The following COL5A2 variants were observed in gnomAD, a reference collection of about 807,000 sequenced individuals.
COL5A2 encodes the protein collagen alpha-2(V) chain.
Under a neutral mutation model 208.2 loss-of-function variants are expected in COL5A2, and 23 were observed. The ratio of observed to expected loss-of-function variants is 0.11; its 90% CI spans 0.08 to 0.16. COL5A2 has a LOEUF of 0.16. Ranked by LOEUF, COL5A2 falls within the 10% of genes least tolerant of loss-of-function variation. The pLI is 1.00. For synonymous variants in COL5A2, 625 were observed against 628.5 expected (o/e 0.99, Z 0.08); for missense variants, 1,590 against 1,956.4 (o/e 0.81, Z 3.53).
the COL5A2 span, among the ~76,000 whole-genome samples, chr2:189,241,774 T>C: frequency 1.1e-4 from 17 of 152,200 alleles, no homozygotes; most frequent in Admixed American, 9.2e-4. Context: ...AGAAATAAAG[T>C]AGTTGGGTCC....
chr2:189,210,416 T>C (rs1373455813), intron 1 of COL5A2, among the ~76,000 whole-genome samples: 2 of 142,882 alleles, frequency 1.4e-5, no homozygotes, highest in Admixed American at 1.5e-4. Flanking sequence ...TAAAATATTT[T>C]ACATTTGTTG....
intron 1 of COL5A2, among the ~76,000 whole-genome samples, chr2:189,167,664 AT>A (rs71020984): frequency 7.8e-4 from 109 of 140,116 alleles, no homozygotes; most frequent in African/African-American, 8.1e-4. Flanking sequence ...GAAAGAAGTG[AT>A]TTTTTTTTTT....
Position 189,077,308 on chromosome 2 carries a change from C to G in COL5A2, c.1059+1208G>C, listed in dbSNP as rs150551006. ...CAAAGCACCTATAAGACCTAAACAT[C>G]GGGTAGAGGCGGGATCTGAGAAAGA... On this transcript the variant is annotated intron_variant, in intron 16 of 53. Coordinates refer to ENST00000374866, the MANE Select transcript of COL5A2 (RefSeq NM_000393.5). 4.6e-5 allele frequency among the ~76,000 whole-genome samples: 7 copies of G among 152,166 alleles called. No individual in the cohort carries two copies. In the East Asian group the frequency reaches 1.4e-3, roughly 29 times the overall value.
the COL5A2 span, among the ~76,000 whole-genome samples, chr2:189,297,284 TATTAC>T: frequency 6.6e-6 from 1 of 152,224 alleles, no homozygotes; most frequent in African/African-American, 2.4e-5. Context: ...TTTCTAATTT[TATTAC>T]ATTATAGTCA....
chr2:189,039,327 C>T lies in COL5A2; in HGVS notation c.3870G>A (p.Lys1290=). Reference sequence around the variant, plus strand: ...GGTCATCACACGTGCGGGCTGGGTGCTTTTTCGAGCCATCGGGGCTGCGCA... The same window carrying T: ...GGTCATCACACGTGCGGGCTGGGTGTTTTTTCGAGCCATCGGGGCTGCGCA... ...ETMRSPDGSK[K]HPARTCDDLK... The change falls in exon 51 of 54, where the codon AAG becomes AAA. Residue 1290 remains lysine (K), a synonymous_variant. Transcript: ENST00000374866. The T allele has an allele frequency of 4.3e-6, 7 of 1,614,046 alleles. No homozygotes were observed. Among genetic ancestry groups the T allele is most frequent in the Non-Finnish European group, 5.9e-6 (7 of 1,180,010 alleles).
intron 53 of COL5A2, 37 bp downstream of exon 53, chr2:189,034,879 T>C: frequency 3.7e-6 from 6 of 1,613,250 alleles, no homozygotes; most frequent in Non-Finnish European, 5.1e-6. Context: ...TAATTTTTTT[T>C]CCTCAACCAG....
At chr2:189,170,344 A>G (rs990014787) in intron 1 of COL5A2, among the ~76,000 whole-genome samples, 11 of 152,232 alleles carry the variant, frequency 7.2e-5, no homozygotes, top group Admixed American at 3.3e-4. Context: ...GATCTAAAAT[A>G]TAAAATGACT....
At chr2:189,262,170 A>T in the COL5A2 span, among the ~76,000 whole-genome samples, 182 of 152,230 alleles carry the variant, frequency 1.2e-3, 3 homozygotes, top group South Asian at 0.036. Flanking sequence ...ATTTGAAATG[A>T]TTTCATTCCT....
chr2:189,085,500 TTAAATTTAAATAAA>T (rs1364038223), intron 10 of COL5A2, among the ~76,000 whole-genome samples: 2 of 152,192 alleles, frequency 1.3e-5, no homozygotes, highest in African/African-American at 2.4e-5. Flanking sequence ...ATTTTTAAAT[TTAAATTTAAATAAA>T]TAAATTTAAA....
At chr2:189,257,331 C>T in the COL5A2 span, among the ~76,000 whole-genome samples, 1 of 152,252 alleles carries the variant, frequency 6.6e-6, no homozygotes, top group East Asian at 1.9e-4. Context: ...TTATGTATGA[C>T]AATTCTCTGC....
At chr2:189,049,952 C>T (rs1048373862) in intron 43 of COL5A2, among the ~76,000 whole-genome samples, 1 of 152,196 alleles carries the variant, frequency 6.6e-6, no homozygotes, top group African/African-American at 2.4e-5. Flanking sequence ...TCCCATACAT[C>T]TCTCTGTCTA....
intron 1 of COL5A2, among the ~76,000 whole-genome samples, chr2:189,221,739 C>T (rs1177141352): frequency 1.3e-5 from 2 of 152,074 alleles, no homozygotes; most frequent in East Asian, 3.8e-4. Flanking sequence ...TCTAATAGAT[C>T]ATGTCCCTAA....
chr2:189,163,233 G>T (rs1688403794), intron 1 of COL5A2, among the ~76,000 whole-genome samples: 1 of 151,940 alleles, frequency 6.6e-6, no homozygotes, highest in Non-Finnish European at 1.5e-5. Context: ...ATAGCAGTTT[G>T]GTATGTTCAA....
chr2:189,136,441 G>C (rs181557820), intron 1 of COL5A2, among the ~76,000 whole-genome samples: 3 of 149,870 alleles, frequency 2.0e-5, no homozygotes. Context: ...ACACAGGTGT[G>C]GTTACACAGG....
At chr2:189,374,243 T>C in the COL5A2 span, among the ~76,000 whole-genome samples, 1 of 152,110 alleles carries the variant, frequency 6.6e-6, no homozygotes, top group Non-Finnish European at 1.5e-5. Context: ...CTCTAAATAC[T>C]GAATTAATTA....
intron 1 of COL5A2, among the ~76,000 whole-genome samples, chr2:189,219,886 T>C (rs1055093130): frequency 1.3e-5 from 2 of 150,820 alleles, no homozygotes; most frequent in Admixed American, 1.3e-4. Flanking sequence ...CCCCCCCCAC[T>C]CTTAGAAGTG....
intron 7 of COL5A2, 81 bp downstream of exon 7, chr2:189,092,229 G>GAC: frequency 1.1e-6 from 1 of 918,598 alleles, no homozygotes; most frequent in East Asian, 2.6e-5. Flanking sequence ...TATCTGAACA[G>GAC]ACACAATTTA....
At chr2:189,071,068 G>T (rs1686264153) in intron 18 of COL5A2, among the ~76,000 whole-genome samples, 1 of 152,196 alleles carries the variant, frequency 6.6e-6, no homozygotes, top group Non-Finnish European at 1.5e-5. Context: ...TTGTTTCTAA[G>T]TTTAAATCCA....
rs1386166913 is a variant in COL5A2, at chr2:189,062,847, C to A, written c.1977+18G>T. 2 of 1,614,078 alleles carry A rather than the reference C, an allele frequency of 1.2e-6. No homozygotes were observed. The highest frequency in any genetic ancestry group is 1.7e-6 in the Non-Finnish European group (2 of 1,180,000). On this transcript the variant is annotated intron_variant, in intron 29 of 53. Transcript: ENST00000374866. ...GTATATATATATTCTCACACACACA[C>A]ACACAAAAATCACATACCGGCGGGC...
Sources: gnomAD v4.1 joint callset for allele counts (sites outside exome capture counted in the v4.1 genomes callset) on GRCh38, gnomAD v4.1.1 for gene constraint, MANE v1.5 for transcripts, NCBI Gene and HGNC (gene_info 2026-07-23, HGNC 2026-07-21) for gene names.